KCTD1: variants seen among roughly 807,000 people sequenced by gnomAD.
The protein encoded by KCTD1 is potassium channel tetramerization domain containing 1.
In KCTD1, 24 loss-of-function variants were observed where a neutral mutation model predicts 66.0. That is an observed-to-expected ratio of 0.36 (90% CI 0.26 to 0.51). The LOEUF (loss-of-function observed/expected upper bound fraction) is 0.51. KCTD1 is among the 20% of genes least tolerant of loss of function. The pLI is 0.95. For synonymous variants in KCTD1, 511 were observed against 517.2 expected (o/e 0.99, Z 0.16); for missense variants, 943 against 1,205.2 (o/e 0.78, Z 3.22).
chr18:26,619,195 T>G (rs972452976), intron 1 of KCTD1, among the ~76,000 whole-genome samples: 5 of 152,226 alleles, frequency 3.3e-5, no homozygotes, highest in African/African-American at 4.8e-5. Flanking sequence ...ATCAAGTTTC[T>G]TCTATACAGG....
intron 2 of KCTD1, among the ~76,000 whole-genome samples, chr18:26,479,115 A>G (rs12965880): frequency 0.48 from 72,989 of 152,200 alleles, 19,733 homozygotes; most frequent in South Asian, 0.61. Context: ...GTTAAAATAG[A>G]AAAAAGCTGC....
chr18:26,507,623 G>A (rs1458416283), intron 1 of KCTD1, among the ~76,000 whole-genome samples: 2 of 151,918 alleles, frequency 1.3e-5, no homozygotes, highest in Non-Finnish European at 2.9e-5. Flanking sequence ...GTGATCAAAT[G>A]CCTTACGACC....
At chr18:26,599,916 T>C (rs2144967378) in intron 1 of KCTD1, 4 of 1,567,782 alleles carry the variant, frequency 2.6e-6, no homozygotes, top group East Asian at 4.5e-5. Context: ...TGGGTTCTTC[T>C]AGTCAGCTTA....
At chr18:26,478,017 A>C (rs1455339790) in intron 2 of KCTD1, among the ~76,000 whole-genome samples, 1 of 152,218 alleles carries the variant, frequency 6.6e-6, no homozygotes, top group Non-Finnish European at 1.5e-5. Flanking sequence ...TCTCACTGAC[A>C]CATCAATCAA....
In KCTD1 at chr18:26,513,542, A is replaced by G. The variant is rs115068963; in HGVS notation, c.1810-12292T>C. On this transcript the variant is annotated intron_variant, in intron 1 of 4. Coordinates refer to ENST00000580059, the MANE Select transcript of KCTD1 (RefSeq NM_001142730.3). ...GACATGGAGTAAGGTACCTAAACTC[A>G]GAACGTTTTCCCGAGGATGCAACAA... 7.4e-3 allele frequency among the ~76,000 whole-genome samples: 1,134 copies of G among 152,354 alleles called. 21 individuals carry two copies. Among genetic ancestry groups the G allele is most frequent in the African/African-American group, 0.025 (1,059 of 41,572 alleles).
chr18:26,467,113 G>T (rs1281886193), intron 3 of KCTD1, among the ~76,000 whole-genome samples: 1 of 151,696 alleles, frequency 6.6e-6, no homozygotes, highest in East Asian at 1.9e-4. Flanking sequence ...CAGTCTGAGT[G>T]GTGGGAACAT....
intron 1 of KCTD1, among the ~76,000 whole-genome samples, chr18:26,553,828 A>T (rs752852705): frequency 0.037 from 140 of 3,750 alleles, no homozygotes; most frequent in Non-Finnish European, 0.2. Flanking sequence ...CAGAGAGGGT[A>T]AAAAAAAAAA....
intron 3 of KCTD1, among the ~76,000 whole-genome samples, chr18:26,471,136 G>A (rs907356969): frequency 2.0e-5 from 3 of 152,092 alleles, no homozygotes; most frequent in Admixed American, 6.6e-5. Context: ...CAACAAAGCC[G>A]AGTATACAGC....
intron 1 of KCTD1, among the ~76,000 whole-genome samples, chr18:26,508,531 T>C (rs1983165059): frequency 6.6e-6 from 1 of 152,220 alleles, no homozygotes; most frequent in African/African-American, 2.4e-5. Context: ...AGTTTGACCA[T>C]ATTACCTCTT....
rs1985383771 is a variant in KCTD1 at position 26,548,466 on chromosome 18, G to A, written c.71C>T (p.Ala24Val). 6.3e-6 allele frequency: 8 copies of A among 1,261,368 alleles called. No homozygotes were observed. The highest frequency in any genetic ancestry group is 6.9e-6 in the Non-Finnish European group (7 of 1,011,228). 78.1% of individuals were successfully genotyped at this position (1,261,368 alleles called of 1,614,324 possible). A position where few individuals can be genotyped will look rare whatever the true frequency, so the allele number is the denominator to read the frequency against. Reference protein sequence around the residue: ...AGGSASAAAAAAENNGERGEG... With the variant: ...AGGSASAAAAVAENNGERGEG... Reference sequence around the variant, plus strand: ...GCCCCGCTCCCCATTGTTCTCGGCGGCGGCGGCGGCAGCGCTGGCGCTGCC... The same window carrying A: ...GCCCCGCTCCCCATTGTTCTCGGCGACGGCGGCGGCAGCGCTGGCGCTGCC... Residue 24 changes from alanine to valine, a missense_variant, in exon 1 of 5, where the codon GCC (alanine) becomes GTC (valine). By Grantham distance (64) the Ala-to-Val change is moderately conservative. Around this residue, in one of 10 missense-constraint regions of KCTD1, gnomAD observed 236 missense variants for 206.6 expected, o/e 1.14. Coordinates refer to ENST00000580059, the MANE Select transcript of KCTD1 (RefSeq NM_001142730.3).
chr18:26,616,460 T>TAC (rs1220890832), intron 1 of KCTD1, among the ~76,000 whole-genome samples: 1 of 57,092 alleles, frequency 1.8e-5, no homozygotes, highest in East Asian at 7.4e-4. Context: ...ATCCCTTACA[T>TAC]ACATATATAT....
chr18:26,479,322 C>A (rs1264473434), intron 2 of KCTD1, among the ~76,000 whole-genome samples: 3 of 152,084 alleles, frequency 2.0e-5, no homozygotes, highest in Non-Finnish European at 4.4e-5. Flanking sequence ...GAAACCTAGC[C>A]AGGGAATTTT....
chr18:26,645,347 T>C (rs1394686943), intron 1 of KCTD1, among the ~76,000 whole-genome samples: 2 of 152,152 alleles, frequency 1.3e-5, no homozygotes, highest in African/African-American at 4.8e-5. Context: ...AGTTCTGGGC[T>C]CAAGTGATCG....
chr18:26,487,932 AT>A (rs1263478679), intron 2 of KCTD1, among the ~76,000 whole-genome samples: 3 of 152,314 alleles, frequency 2.0e-5, no homozygotes, highest in Non-Finnish European at 4.4e-5. Flanking sequence ...TAAGATGATC[AT>A]GTACAGGCAT....
chr18:26,604,125 A>G (rs1986961290), intron 1 of KCTD1, among the ~76,000 whole-genome samples: 1 of 152,264 alleles, frequency 6.6e-6, no homozygotes, highest in Non-Finnish European at 1.5e-5. Flanking sequence ...ACTTTCCAAA[A>G]GAAGACATAC....
At chr18:26,638,988 T>A (rs1987779751) in intron 1 of KCTD1, among the ~76,000 whole-genome samples, 2 of 152,154 alleles carry the variant, frequency 1.3e-5, no homozygotes, top group South Asian at 4.2e-4. Context: ...CTCAGAGGAT[T>A]CTACAGATGT....
rs542076651 is a variant in KCTD1, at chr18:26,479,131, G to C, written c.1989-2472C>G. The stretch of plus-strand genomic sequence containing the variant: ...TTAAAATAGAAAAAAGCTGCAAAGA[G>C]AAGAGCAAGAGGGAGATCTGAAGCG... On this transcript the variant is annotated intron_variant, in intron 2 of 4. Transcript: ENST00000580059. 4.7e-4 allele frequency among the ~76,000 whole-genome samples: 72 copies of C among 152,384 alleles called. 1 individual carries two copies. Among genetic ancestry groups the C allele is most frequent in the South Asian group, 3.7e-3 (18 of 4,828 alleles).
chr18:26,560,638 G>C (rs1446160406), intron 1 of KCTD1, among the ~76,000 whole-genome samples: 1 of 152,184 alleles, frequency 6.6e-6, no homozygotes, highest in East Asian at 1.9e-4. Flanking sequence ...CAGGGGGTGG[G>C]GAAGGGTGTG....
chr18:26,531,519 T>A (rs1984433199), intron 1 of KCTD1, among the ~76,000 whole-genome samples: 1 of 152,154 alleles, frequency 6.6e-6, no homozygotes, highest in African/African-American at 2.4e-5. Flanking sequence ...TATACCAAAG[T>A]ATGTTTAACT....
Sources: gnomAD v4.1 joint callset for allele counts (sites outside exome capture counted in the v4.1 genomes callset) on GRCh38, gnomAD v4.1.1 for gene constraint, gnomAD v4.1.1 regional missense constraint, MANE v1.5 for transcripts, NCBI Gene and HGNC (gene_info 2026-07-23, HGNC 2026-07-21) for gene names.